The following CCDC7 variants were observed in gnomAD, a reference collection of about 807,000 sequenced individuals.
CCDC7 encodes coiled-coil domain containing 7, also known as coiled-coil domain-containing protein 7.
A neutral mutation model predicts 196.9 loss-of-function variants in CCDC7; 183 were observed. That is an observed-to-expected ratio of 0.93 (90% CI 0.82 to 1.05). The LOEUF (loss-of-function observed/expected upper bound fraction) is 1.05. CCDC7 is among the 50% of genes least tolerant of loss of function. CCDC7 has a pLI of 0.00. For synonymous variants in CCDC7, 525 were observed against 484.6 expected, an observed-to-expected ratio of 1.08 and a Z score of -1.10; for missense variants, 1,540 against 1,482.2, an observed-to-expected ratio of 1.04 and a Z score of -0.64.
intron 29 of CCDC7, among the ~76,000 whole-genome samples, chr10:32,801,214 A>T (rs2084717474): frequency 6.6e-6 from 1 of 152,202 alleles, no homozygotes; most frequent in Non-Finnish European, 1.5e-5. Context: ...GGTCAAGATT[A>T]TGTCTTCTGG....
At chr10:32,603,887 C>T (rs2061324244) in intron 18 of CCDC7, among the ~76,000 whole-genome samples, 2 of 152,026 alleles carry the variant, frequency 1.3e-5, no homozygotes, top group East Asian at 1.9e-4. Flanking sequence ...CAAATATTTT[C>T]TCTCATTCAA....
At chr10:32,655,499 A>G (rs935568085) in intron 20 of CCDC7, among the ~76,000 whole-genome samples, 3 of 151,940 alleles carry the variant, frequency 2.0e-5, no homozygotes, top group Non-Finnish European at 4.4e-5. Flanking sequence ...ATTTTTTCAT[A>G]TACTTGTTGA....
At chr10:32,573,305 T>C (rs886592350) in intron 16 of CCDC7, among the ~76,000 whole-genome samples, 3 of 152,152 alleles carry the variant, frequency 2.0e-5, no homozygotes, top group Non-Finnish European at 4.4e-5. Flanking sequence ...CTGAAGAACA[T>C]GAGGTGGTTA....
At chr10:32,711,467 C>T (rs2080827754) in intron 24 of CCDC7, among the ~76,000 whole-genome samples, 153 bp from the exon 26 acceptor site, 1 of 152,052 alleles carries the variant, frequency 6.6e-6, no homozygotes, top group Non-Finnish European at 1.5e-5. Flanking sequence ...ACTTTTCTCA[C>T]CATTTTCATG....
At position 32,484,626 on chromosome 10, in the gene CCDC7, C is replaced by T. The variant is rs183247462; in HGVS notation, c.797-7296C>T. On this transcript the variant is annotated intron_variant, in intron 8 of 41. Transcript: ENST00000639629. ...TTTGCCCATTCAGTATGATATTGGC[C>T]GTGGGTTTGTCATAAATAGCTCTTA... 8.0e-3 allele frequency among the ~76,000 whole-genome samples: 1,211 copies of T among 151,988 alleles called. 7 individuals are homozygous for T. The highest frequency in any genetic ancestry group is 0.02 in the Middle Eastern group (6 of 294).
At chr10:32,720,817 T>C (rs2082299688) in intron 25 of CCDC7, among the ~76,000 whole-genome samples, 1 of 152,114 alleles carries the variant, frequency 6.6e-6, no homozygotes, top group Non-Finnish European at 1.5e-5. Flanking sequence ...GCTTCAGGAA[T>C]TTTGGTTTAT....
At chr10:32,846,559 G>T in intron 37 of CCDC7, 100 bp downstream of exon 38, 1 of 649,942 alleles carries the variant, frequency 1.5e-6, no homozygotes, top group Non-Finnish European at 2.7e-6. Context: ...CTACATGTTA[G>T]TGTTACATAG....
intron 21 of CCDC7, among the ~76,000 whole-genome samples, chr10:32,671,225 A>T (rs1417428683): frequency 1.3e-5 from 2 of 152,174 alleles, no homozygotes; most frequent in Non-Finnish European, 2.9e-5. Context: ...AGCTACCTTG[A>T]TGGTAAGTAT....
intron 30 of CCDC7, among the ~76,000 whole-genome samples, chr10:32,806,064 A>C (rs1292550253): frequency 6.6e-6 from 1 of 152,210 alleles, no homozygotes; most frequent in Non-Finnish European, 1.5e-5. Context: ...GAACAGCACC[A>C]TTCCATGGAG....
At chr10:32,851,902 C>T (rs1330431087) in exon 40 of CCDC7, 14 of 1,607,326 alleles carry the variant, frequency 8.7e-6, no homozygotes, top group Non-Finnish European at 1.1e-5. Context: ...TAAAGACATC[C>T]ACCTTCCTTT....
intron 13 of CCDC7, among the ~76,000 whole-genome samples, chr10:32,555,519 C>G (rs2054212545): frequency 6.6e-6 from 1 of 152,146 alleles, no homozygotes; most frequent in African/African-American, 2.4e-5. Context: ...GCTGGTATTA[C>G]AGGTGTGAGC....
chr10:32,498,930 C>T (rs1011630505), intron 9 of CCDC7, among the ~76,000 whole-genome samples: 1 of 151,728 alleles, frequency 6.6e-6, no homozygotes, highest in African/African-American at 2.4e-5. Flanking sequence ...TGAATGTTGG[C>T]CTGCCTTGCT....
At chr10:32,594,684 G>T (rs1013145854) in intron 18 of CCDC7, among the ~76,000 whole-genome samples, 1 of 152,144 alleles carries the variant, frequency 6.6e-6, no homozygotes, top group Non-Finnish European at 1.5e-5. Context: ...TTGGCTGTGG[G>T]TTTGTCATAG....
At chr10:32,571,986 T>C in intron 16 of CCDC7, 93 bp downstream of exon 17, 2 of 1,210,096 alleles carry the variant, frequency 1.7e-6, no homozygotes, top group Non-Finnish European at 2.2e-6. Context: ...AAATTTAATG[T>C]CACAAAACTC....
intron 28 of CCDC7, among the ~76,000 whole-genome samples, chr10:32,772,437 C>T (rs79923517): frequency 0.1 from 15,167 of 152,208 alleles, 772 homozygotes; most frequent in East Asian, 0.16. Context: ...TTAGGCCACA[C>T]TCCTCCCTGT....
intron 25 of CCDC7, among the ~76,000 whole-genome samples, chr10:32,723,097 G>C (rs989903298): frequency 4.6e-5 from 7 of 152,072 alleles, no homozygotes; most frequent in African/African-American, 1.7e-4. Flanking sequence ...AGACCACCCT[G>C]TAGGGCCCCA....
chr10:32,784,770 G>T (rs1309296190), intron 29 of CCDC7, among the ~76,000 whole-genome samples: 1 of 152,140 alleles, frequency 6.6e-6, no homozygotes, highest in Non-Finnish European at 1.5e-5. Flanking sequence ...GGGAGGCTGA[G>T]GAGAGTAGAT....
intron 18 of CCDC7, among the ~76,000 whole-genome samples, chr10:32,629,417 C>T (rs1196167966): frequency 6.6e-6 from 1 of 152,022 alleles, no homozygotes; most frequent in African/African-American, 2.4e-5. Context: ...GAGTTCAGAG[C>T]TGTGTCAGCT....
At chr10:32,535,060 C>T (rs2050256361) in intron 11 of CCDC7, among the ~76,000 whole-genome samples, 1 of 151,440 alleles carries the variant, frequency 6.6e-6, no homozygotes, top group Non-Finnish European at 1.5e-5. Context: ...TGAGGAGGGG[C>T]ATCATGGATG....
Sources: allele counts gnomAD v4.1 joint callset (sites outside exome capture counted in the v4.1 genomes callset), GRCh38; gene constraint gnomAD v4.1.1; transcripts MANE v1.5; gene names NCBI Gene and HGNC (gene_info 2026-07-23, HGNC 2026-07-21).